Variants in TNFSF15 observed in about 807,000 individuals in gnomAD.
TNFSF15 encodes TNF superfamily member 15, also known as tumor necrosis factor ligand superfamily member 15.
A neutral mutation model predicts 26.4 loss-of-function variants in TNFSF15; 15 were observed. That is an observed-to-expected ratio of 0.57 (90% CI 0.38 to 0.87). TNFSF15 has a LOEUF of 0.87. Ranked by LOEUF, TNFSF15 falls within the 40% of genes least tolerant of loss-of-function variation. The probability of loss-of-function intolerance (pLI) is 0.00; values close to 1 mark genes in which losing one functional copy is unlikely to be tolerated. For missense variants in TNFSF15, 290 were observed against 306.1 expected (o/e 0.95, Z 0.39); for synonymous variants, 116 against 115.0 (o/e 1.01, Z -0.06).
chr9:114,789,960 G>A lies in TNFSF15; in HGVS notation c.*492C>T, dbSNP rs1351702448. On this transcript the variant is annotated 3_prime_UTR_variant, in exon 4 of 4. Coordinates refer to ENST00000374045, the MANE Select transcript of TNFSF15 (RefSeq NM_005118.4). ...TCTCTTTTCATTTTTTTTAGGCAAGGCATGAAAGTATGTGGAAAAATTGGT... is the reference window on the plus strand; with the variant it reads ...TCTCTTTTCATTTTTTTTAGGCAAGACATGAAAGTATGTGGAAAAATTGGT... The A allele has an allele frequency of 6.5e-6, 1 of 153,628 alleles. No homozygotes were observed. The highest frequency in any genetic ancestry group is 1.4e-5 in the Non-Finnish European group (1 of 69,018). The allele number at this position is 153,628 out of a possible 1,614,324, so 9.5% of individuals were successfully genotyped here.
intron 2 of TNFSF15, 87 bp from the exon 3 acceptor site, chr9:114,792,541 A>G: frequency 1.9e-6 from 3 of 1,597,190 alleles, no homozygotes; most frequent in Non-Finnish European, 2.6e-6. Flanking sequence ...GGCGCCTATG[A>G]TAGGAGAGAA....
At chr9:114,798,223 G>C (rs1291940742) in intron 1 of TNFSF15, among the ~76,000 whole-genome samples, 1 of 152,154 alleles carries the variant, frequency 6.6e-6, no homozygotes. Flanking sequence ...AAGCAAATGT[G>C]TATGTCCATA....
chr9:114,788,263 T>G lies in TNFSF15; in HGVS notation c.*2189A>C, dbSNP rs557535932. Reference sequence around the variant, plus strand: ...TCCTCCATCTGAGATGCCCTTTCCCTGTGGTCATCTGGGGCCCGCCCAGTT... The same window carrying G: ...TCCTCCATCTGAGATGCCCTTTCCCGGTGGTCATCTGGGGCCCGCCCAGTT... On this transcript the variant is annotated 3_prime_UTR_variant, in exon 4 of 4. Transcript: ENST00000374045. 2.6e-5 allele frequency: 4 copies of G among 153,880 alleles called. No homozygotes were observed. Among genetic ancestry groups the G allele is most frequent in the Non-Finnish European group, 5.9e-5 (4 of 68,026 alleles). 9.5% of individuals were successfully genotyped at this position (153,880 alleles called of 1,614,324 possible).
chr9:114,794,966 G>T (rs1301004072), intron 1 of TNFSF15, among the ~76,000 whole-genome samples: 2 of 152,112 alleles, frequency 1.3e-5, no homozygotes, highest in African/African-American at 2.4e-5. Context: ...CTAATGTTTG[G>T]TAGCAGAGTA....
At chr9:114,797,199 C>G (rs1170301869) in intron 1 of TNFSF15, among the ~76,000 whole-genome samples, 2 of 152,218 alleles carry the variant, frequency 1.3e-5, no homozygotes, top group Non-Finnish European at 2.9e-5. Context: ...CTCTTTGACT[C>G]AGAATCCCAT....
At chr9:114,795,355 G>A (rs117276488) in intron 1 of TNFSF15, among the ~76,000 whole-genome samples, 4 of 152,262 alleles carry the variant, frequency 2.6e-5, no homozygotes, top group African/African-American at 7.2e-5. Flanking sequence ...TGTGTGTGTT[G>A]TGAGTGTATA....
chr9:114,794,325 C>A (rs1829648605), intron 1 of TNFSF15, among the ~76,000 whole-genome samples: 1 of 152,150 alleles, frequency 6.6e-6, no homozygotes, highest in South Asian at 2.1e-4. Flanking sequence ...ATGAAGGAAC[C>A]ATCACTCACA....
chr9:114,790,415 G>A lies in TNFSF15; in HGVS notation c.*37C>T. 1 of 1,519,666 alleles carries A rather than the reference G, an allele frequency of 6.6e-7. No homozygotes were observed. The highest frequency in any genetic ancestry group is 8.8e-7 in the Non-Finnish European group (1 of 1,131,130). 94.1% of individuals were successfully genotyped at this position (1,519,666 alleles called of 1,614,324 possible). On this transcript the variant is annotated 3_prime_UTR_variant, in exon 4 of 4. Transcript: ENST00000374045. ...GAACAAAGAAAATTAGGAACTCGGTGGCAGAGGACTTTCATATAATGATAT... is the reference window on the plus strand; with the variant it reads ...GAACAAAGAAAATTAGGAACTCGGTAGCAGAGGACTTTCATATAATGATAT...
chr9:114,799,903 C>T (rs1312538065), intron 1 of TNFSF15, among the ~76,000 whole-genome samples: 1 of 152,240 alleles, frequency 6.6e-6, no homozygotes, highest in African/African-American at 2.4e-5. Flanking sequence ...TCCCTTTGCC[C>T]ACAACCTGAT....
intron 1 of TNFSF15, among the ~76,000 whole-genome samples, chr9:114,802,800 G>A (rs1010351698): frequency 6.6e-6 from 1 of 152,114 alleles, no homozygotes; most frequent in Admixed American, 6.6e-5. Context: ...TTCTTCCTTT[G>A]ATCCATGGTG....
chr9:114,786,220 C>T lies in TNFSF15; in HGVS notation c.*4232G>A, dbSNP rs1587895248. The T allele has an allele frequency of 6.6e-6, 1 of 152,232 alleles. No individual in the cohort carries two copies. The allele number at this position is 152,232 out of a possible 1,614,324, so 9.4% of individuals were successfully genotyped here. A position where few individuals can be genotyped will look rare whatever the true frequency, so the allele number is the denominator to read the frequency against. On this transcript the variant is annotated 3_prime_UTR_variant, in exon 4 of 4. Coordinates refer to ENST00000374045, the MANE Select transcript of TNFSF15 (RefSeq NM_005118.4). The stretch of plus-strand genomic sequence containing the variant: ...GAAAATTCTGCTACAAATATCAAAA[C>T]ACTTCTAGGACTCTGGGCCATAGGA...
intron 1 of TNFSF15, among the ~76,000 whole-genome samples, chr9:114,800,354 G>C (rs1021610149): frequency 6.6e-6 from 1 of 152,136 alleles, no homozygotes; most frequent in Non-Finnish European, 1.5e-5. Context: ...TGTGTGCCAG[G>C]TACAGATAGG....
chr9:114,793,968 G>C (rs183451855), intron 1 of TNFSF15, among the ~76,000 whole-genome samples: 30 of 152,312 alleles, frequency 2.0e-4, no homozygotes, highest in African/African-American at 7.0e-4. Context: ...CGACACAGAA[G>C]AGAAAATAAT....
At chr9:114,794,787 T>C (rs1397184864) in intron 1 of TNFSF15, among the ~76,000 whole-genome samples, 2 of 152,156 alleles carry the variant, frequency 1.3e-5, no homozygotes, top group Non-Finnish European at 2.9e-5. Flanking sequence ...AAAGACACAC[T>C]TTGCATGTTC....
intron 1 of TNFSF15, among the ~76,000 whole-genome samples, chr9:114,799,449 T>C (rs1009702049): frequency 9.9e-5 from 15 of 152,202 alleles, no homozygotes; most frequent in African/African-American, 3.6e-4. Flanking sequence ...CCTTGTATCT[T>C]TTTATCACAA....
At chr9:114,797,813 G>A (rs1829690414) in intron 1 of TNFSF15, among the ~76,000 whole-genome samples, 1 of 152,224 alleles carries the variant, frequency 6.6e-6, no homozygotes, top group African/African-American at 2.4e-5. Context: ...ACCACTGGCT[G>A]AAATCCAGGA....
At position 114,793,585 on chromosome 9, in the gene TNFSF15, T is replaced by C. The variant is rs1829637922; in HGVS notation, c.211-17A>G. 2.5e-6 allele frequency: 4 copies of C among 1,613,248 alleles called. No individual in the cohort carries two copies. The highest frequency in any genetic ancestry group is 1.1e-5 in the South Asian group (1 of 91,040). On this transcript the variant is annotated splice_polypyrimidine_tract_variant and intron_variant, in intron 1 of 3. Transcript: ENST00000374045. ...TTTTAGAGCCTATTGGGAAAGAAAGTATAGTTTAGACCAACTGTGGTCCTT... is the reference window on the plus strand; with the variant it reads ...TTTTAGAGCCTATTGGGAAAGAAAGCATAGTTTAGACCAACTGTGGTCCTT...
In TNFSF15 at chr9:114,805,857, T is replaced by A; in HGVS notation, c.156A>T (p.Thr52=). The part of the protein sequence containing the change: ...VLLPFLAGLT[T]YLLVSQLRAQ... ...CCCGGAGCTGGCTGACAAGCAGGTA[T>A]GTGGTGAGTCCTGCAAGGAAGGGGA... Residue 52 remains threonine (T), a synonymous_variant, in exon 1 of 4, where the codon ACA becomes ACT. Transcript: ENST00000374045. 6.2e-7 allele frequency: 1 copy of A among 1,613,934 alleles called. No homozygotes were observed. Among genetic ancestry groups the A allele is most frequent in the Non-Finnish European group, 8.5e-7 (1 of 1,180,034 alleles).
intron 1 of TNFSF15, among the ~76,000 whole-genome samples, chr9:114,803,023 C>T (rs1303392502): frequency 6.6e-6 from 1 of 152,156 alleles, no homozygotes; most frequent in East Asian, 1.9e-4. Context: ...CTCCAATGAC[C>T]TGCGATCATC....
Sources: gnomAD v4.1 joint callset for allele counts (sites outside exome capture counted in the v4.1 genomes callset) on GRCh38, gnomAD v4.1.1 for gene constraint, MANE v1.5 for transcripts, NCBI Gene and HGNC (gene_info 2026-07-23, HGNC 2026-07-21) for gene names.